SULT1B1: variants seen among roughly 807,000 people sequenced by gnomAD.
SULT1B1 encodes the protein sulfotransferase 1B1.
A neutral mutation model predicts 34.6 loss-of-function variants in SULT1B1; 28 were observed. The ratio of observed to expected loss-of-function variants is 0.81; its 90% CI spans 0.60 to 1.11. The LOEUF (loss-of-function observed/expected upper bound fraction) is 1.11, where lower values mean the gene tolerates loss of function less well. Ranked by LOEUF, SULT1B1 falls within the 50% of genes least tolerant of loss-of-function variation. SULT1B1 has a pLI of 0.00. For synonymous variants in SULT1B1, 147 were observed against 110.2 expected, an observed-to-expected ratio of 1.33 and a Z score of -2.09; for missense variants, 374 against 352.2, an observed-to-expected ratio of 1.06 and a Z score of -0.50.
At chr4:69,733,200 G>A (rs1040971337) in intron 6 of SULT1B1, among the ~76,000 whole-genome samples, 4 of 152,136 alleles carry the variant, frequency 2.6e-5, no homozygotes, top group South Asian at 2.1e-4. Flanking sequence ...CAGATATAAC[G>A]CAGTGGCTAA....
At chr4:69,731,383 C>G (rs539740812) in intron 6 of SULT1B1, among the ~76,000 whole-genome samples, 26 of 152,244 alleles carry the variant, frequency 1.7e-4, no homozygotes, top group African/African-American at 5.1e-4. Flanking sequence ...CATATACAGC[C>G]CCCTTGCACC....
chr4:69,750,482 C>T (rs1718938819), intron 3 of SULT1B1, among the ~76,000 whole-genome samples: 1 of 152,096 alleles, frequency 6.6e-6, no homozygotes, highest in Admixed American at 6.5e-5. Flanking sequence ...CTTATGCATT[C>T]TTTTATGTTC....
At chr4:69,731,670 T>A (rs1161071305) in intron 6 of SULT1B1, among the ~76,000 whole-genome samples, 1 of 152,236 alleles carries the variant, frequency 6.6e-6, no homozygotes, top group Non-Finnish European at 1.5e-5. Context: ...TTCTCTATAA[T>A]ATTATCTACA....
intron 6 of SULT1B1, among the ~76,000 whole-genome samples, chr4:69,732,326 C>T (rs1360383809): frequency 6.6e-6 from 1 of 152,084 alleles, no homozygotes; most frequent in Admixed American, 6.6e-5. Context: ...ACGAGAAACC[C>T]CTGGGAGTTT....
rs552951277 is a variant in SULT1B1, at chr4:69,733,398, T to C, written c.597+15A>G. ...CAGTGGGGAAATTATCCAGAATCCA[T>C]ATCTACCATTTTACCTCTTTCATAT... is the stretch of plus-strand genomic sequence containing the variant. On this transcript the variant is annotated intron_variant, in intron 6 of 7. Transcript: ENST00000310613. 2 of 1,553,778 alleles carry C rather than the reference T, an allele frequency of 1.3e-6. No individual in the cohort carries two copies. The highest frequency in any genetic ancestry group is 1.8e-6 in the Non-Finnish European group (2 of 1,139,216).
chr4:69,724,726 A>G lies in SULT1B1; in HGVS notation c.*2362T>C, dbSNP rs1313139703. 6.6e-6 allele frequency: 1 copy of G among 151,742 alleles called. No homozygotes were observed. The highest frequency in any genetic ancestry group is 2.4e-5 in the African/African-American group (1 of 40,984). The allele number at this position is 151,742 out of a possible 1,614,324, so 9.4% of individuals were successfully genotyped here. A position where few individuals can be genotyped will look rare whatever the true frequency, so the allele number is the denominator to read the frequency against. ...CTCAGAAATAATACTACACATCTAC[A>G]ATTATCTGATCTTTGACAAACCTGA... On this transcript the variant is annotated 3_prime_UTR_variant, in exon 8 of 8. Transcript: ENST00000310613.
intron 6 of SULT1B1, 44 bp downstream of exon 6, chr4:69,733,369 G>A: frequency 7.3e-7 from 1 of 1,372,846 alleles, no homozygotes; most frequent in Non-Finnish European, 1.0e-6. Flanking sequence ...TTTACAGCAT[G>A]ATGCAGTGGG....
At chr4:69,734,365 C>T in intron 4 of SULT1B1, 101 bp from the exon 5 acceptor site, 1 of 1,341,742 alleles carries the variant, frequency 7.5e-7, no homozygotes, top group Non-Finnish European at 1.0e-6. Flanking sequence ...AGTACTTTTT[C>T]AAATAGAAAT....
intron 6 of SULT1B1, among the ~76,000 whole-genome samples, 170 bp from the exon 7 acceptor site, chr4:69,730,851 A>C (rs1490293126): frequency 6.6e-6 from 1 of 152,216 alleles, no homozygotes. Flanking sequence ...AATATTAAAA[A>C]TCAAGAATAT....
chr4:69,725,755 G>T lies in SULT1B1; in HGVS notation c.*1333C>A, dbSNP rs1191874456. ...ATAAAGCTGGAAACCATACTTTTCA[G>T]CAAACTATTGCAAGAACAAAAAAAC... On this transcript the variant is annotated 3_prime_UTR_variant, in exon 8 of 8. Transcript: ENST00000310613. 2 of 151,670 alleles carry T rather than the reference G, an allele frequency of 1.3e-5. No individual in the cohort carries two copies. The highest frequency in any genetic ancestry group is 4.8e-5 in the African/African-American group (2 of 41,286). The allele number at this position is 151,670 out of a possible 1,614,324, so 9.4% of individuals were successfully genotyped here.
rs988032760 is a variant in SULT1B1 at position 69,722,703 on chromosome 4, G to C, written c.*4385C>G. 32 of 152,082 alleles carry C rather than the reference G, an allele frequency of 2.1e-4. No homozygotes were observed. Among genetic ancestry groups the C allele is most frequent in the Non-Finnish European group, 1.5e-5 (1 of 68,010 alleles). The allele number at this position is 152,082 out of a possible 1,614,324, so 9.4% of individuals were successfully genotyped here. ...CTAGACCAATCCTTTGCTGGGGTTGGAAAAGAGAAATGTTACAGCTTAAGG... is the reference window on the plus strand; with the variant it reads ...CTAGACCAATCCTTTGCTGGGGTTGCAAAAGAGAAATGTTACAGCTTAAGG... On this transcript the variant is annotated 3_prime_UTR_variant, in exon 8 of 8. Coordinates refer to ENST00000310613, the MANE Select transcript of SULT1B1 (RefSeq NM_014465.4).
rs187985989 is a variant in SULT1B1, at chr4:69,725,965, T to A, written c.*1123A>T. ...GCAGCACACCAACATGGCACATGTA[T>A]GCATATATAACAAACCTGCACATTG... On this transcript the variant is annotated 3_prime_UTR_variant, in exon 8 of 8. Transcript: ENST00000310613. The A allele has an allele frequency of 5.3e-4, 77 of 144,956 alleles. No individual in the cohort carries two copies. The highest frequency in any genetic ancestry group is 1.9e-3 in the African/African-American group (74 of 39,240). 9.0% of individuals were successfully genotyped at this position (144,956 alleles called of 1,614,324 possible). A position where few individuals can be genotyped will look rare whatever the true frequency, so the allele number is the denominator to read the frequency against.
intron 6 of SULT1B1, among the ~76,000 whole-genome samples, chr4:69,732,557 C>T (rs531237930): frequency 6.6e-6 from 1 of 152,006 alleles, no homozygotes; most frequent in African/African-American, 2.4e-5. Flanking sequence ...TCGTAATTTT[C>T]ATTGTAGATC....
intron 3 of SULT1B1, among the ~76,000 whole-genome samples, chr4:69,750,500 T>A (rs765729078): frequency 7.2e-5 from 11 of 152,180 alleles, no homozygotes; most frequent in Admixed American, 6.5e-5. Context: ...TTCCACAGTA[T>A]TACTTATATA....
rs1290321888 is a variant in SULT1B1 at position 69,723,041 on chromosome 4, C to A, written c.*4047G>T. The A allele has an allele frequency of 6.6e-6, 1 of 151,746 alleles. No homozygotes were observed. The highest frequency in any genetic ancestry group is 2.4e-5 in the African/African-American group (1 of 41,310). 9.4% of individuals were successfully genotyped at this position (151,746 alleles called of 1,614,324 possible). ...AAGATCAGAGCATAACTGAAGGAGA[C>A]AAAGACACAAAAACCCCTTCAAAAA... is the stretch of plus-strand genomic sequence containing the variant. On this transcript the variant is annotated 3_prime_UTR_variant, in exon 8 of 8. Coordinates refer to ENST00000310613, the MANE Select transcript of SULT1B1 (RefSeq NM_014465.4).
intron 4 of SULT1B1, among the ~76,000 whole-genome samples, chr4:69,736,466 G>A (rs1718315920): frequency 1.3e-5 from 2 of 152,166 alleles, no homozygotes; most frequent in African/African-American, 4.8e-5. Flanking sequence ...GGAGAGGGAA[G>A]AGCAAAGAGG....
intron 1 of SULT1B1, 145 bp downstream of exon 1, chr4:69,760,314 G>A (rs183544886): frequency 1.7e-6 from 1 of 598,330 alleles, no homozygotes; most frequent in Non-Finnish European, 2.1e-6. Flanking sequence ...CATAAACAAT[G>A]AAAGTTTCCT....
rs193258984 is a variant in SULT1B1, at chr4:69,759,118, T to C, written c.-45+1341A>G. Reference sequence around the variant, plus strand: ...CAGGGTCTTTTAAAACAAATTGTACTGATTGTGCTTCATGTATATGATCTC... The same window carrying C: ...CAGGGTCTTTTAAAACAAATTGTACCGATTGTGCTTCATGTATATGATCTC... On this transcript the variant is annotated intron_variant, in intron 1 of 7. Coordinates refer to ENST00000310613, the MANE Select transcript of SULT1B1 (RefSeq NM_014465.4). 5.9e-5 allele frequency among the ~76,000 whole-genome samples: 9 copies of C among 152,364 alleles called. No individual in the cohort carries two copies. In the East Asian group the frequency reaches 1.7e-3, roughly 29 times the overall value.
chr4:69,754,165 C>T (rs999402912), intron 3 of SULT1B1, among the ~76,000 whole-genome samples: 1 of 152,102 alleles, frequency 6.6e-6, no homozygotes, highest in East Asian at 1.9e-4. Context: ...TTGTTATTTA[C>T]TTTTTGACGT....
Sources: allele counts gnomAD v4.1 joint callset (sites outside exome capture counted in the v4.1 genomes callset), GRCh38; gene constraint gnomAD v4.1.1; transcripts MANE v1.5; gene names NCBI Gene and HGNC (gene_info 2026-07-23, HGNC 2026-07-21).